Variants in TCERG1L observed in about 807,000 individuals in gnomAD.
The protein encoded by TCERG1L is transcription elongation regulator 1-like protein.
In TCERG1L, 37 loss-of-function variants were observed where a neutral mutation model predicts 56.3. That is an observed-to-expected ratio of 0.66 (90% CI 0.51 to 0.87). The LOEUF (loss-of-function observed/expected upper bound fraction) is 0.87, where lower values mean the gene tolerates loss of function less well. Among genes scored for constraint, TCERG1L ranks in the 40% least tolerant of loss-of-function variants. The probability of loss-of-function intolerance (pLI) is 0.00; values close to 1 mark genes in which losing one functional copy is unlikely to be tolerated. For missense variants in TCERG1L, 799 were observed against 774.2 expected, an observed-to-expected ratio of 1.03 and a Z score of -0.38; for synonymous variants, 324 against 326.3, an observed-to-expected ratio of 0.99 and a Z score of 0.08.
intron 4 of TCERG1L, among the ~76,000 whole-genome samples, chr10:131,208,085 CAT>C (rs1372938371): frequency 3.9e-5 from 6 of 152,136 alleles, no homozygotes; most frequent in African/African-American, 9.7e-5. Flanking sequence ...CACTATCCCA[CAT>C]GAGGACCCCA....
chr10:131,148,015 A>C (rs1489225399), intron 6 of TCERG1L, among the ~76,000 whole-genome samples: 2 of 152,212 alleles, frequency 1.3e-5, no homozygotes, highest in Non-Finnish European at 2.9e-5. Context: ...CCCTCCCAGA[A>C]ATCACCCTGA....
At chr10:131,250,582 C>G (rs1846098877) in intron 4 of TCERG1L, among the ~76,000 whole-genome samples, 1 of 152,150 alleles carries the variant, frequency 6.6e-6, no homozygotes, top group Non-Finnish European at 1.5e-5. Context: ...CTGGCTGTCA[C>G]TCATCGCTTG....
At position 131,311,396 on chromosome 10, in the gene TCERG1L, C is replaced by G; in HGVS notation, c.240G>C (p.Trp80Cys). The change falls in exon 1 of 12, where the codon TGG becomes TGC. Residue 80 changes from tryptophan to cysteine, a missense_variant. Physicochemically the swap from Trp to Cys is radical, Grantham distance 215. Transcript: ENST00000368642. The surrounding 1 kb of genome is among the most constrained non-coding windows in gnomAD (Gnocchi z 4.0). ...AAPLLPGLPGWPAPSEPVLPL... is the reference protein window; with the variant it reads ...AAPLLPGLPGCPAPSEPVLPL... ...GGAGCACCGGCTCGCTCGGGGCCGG[C>G]CAGCCGGGGAGACCGGGGAGCAGCG... The G allele has an allele frequency of 8.4e-7, 1 of 1,186,516 alleles. No individual in the cohort carries two copies. Among genetic ancestry groups the G allele is most frequent in the Non-Finnish European group, 1.0e-6 (1 of 960,336 alleles). The allele number at this position is 1,186,516 out of a possible 1,614,324, so 73.5% of individuals were successfully genotyped here.
At position 131,142,585 on chromosome 10, in the gene TCERG1L, T is replaced by G. The variant is rs561105107; in HGVS notation, c.1189+3921A>C. 1.3e-3 allele frequency among the ~76,000 whole-genome samples: 193 copies of G among 152,298 alleles called. 1 individual carries two copies. In the South Asian group the frequency reaches 0.018, roughly 14 times the overall value. ...CCCGCAGACTAGGGAAGGACAGTGT[T>G]GAGTGCACGGCTGCTGCAGCTGCTG... is the stretch of plus-strand genomic sequence containing the variant. On this transcript the variant is annotated intron_variant, in intron 7 of 11. Coordinates refer to ENST00000368642, the MANE Select transcript of TCERG1L (RefSeq NM_174937.4).
At chr10:131,294,703 C>G (rs986997829) in intron 3 of TCERG1L, among the ~76,000 whole-genome samples, 1 of 152,176 alleles carries the variant, frequency 6.6e-6, no homozygotes, top group African/African-American at 2.4e-5. Flanking sequence ...ATCACTCCAA[C>G]AAATTAACAG....
At chr10:131,257,052 A>G (rs573480291) in intron 4 of TCERG1L, among the ~76,000 whole-genome samples, 1 of 151,148 alleles carries the variant, frequency 6.6e-6, no homozygotes, top group Non-Finnish European at 1.5e-5. Flanking sequence ...AAAGAAAGAA[A>G]GAAAAGAAAG....
intron 4 of TCERG1L, among the ~76,000 whole-genome samples, chr10:131,253,274 G>C (rs575209558): frequency 6.6e-6 from 1 of 152,170 alleles, no homozygotes; most frequent in South Asian, 2.1e-4. Context: ...GCAGAAGAAC[G>C]ACATCCTGGG....
chr10:131,099,181 G>C (rs970104795), intron 10 of TCERG1L, among the ~76,000 whole-genome samples: 3 of 152,178 alleles, frequency 2.0e-5, no homozygotes, highest in African/African-American at 7.2e-5. Flanking sequence ...CTCCTCAATG[G>C]GAGGGACATG....
intron 6 of TCERG1L, among the ~76,000 whole-genome samples, chr10:131,155,330 G>A (rs775176855): frequency 3.3e-5 from 5 of 152,156 alleles, no homozygotes; most frequent in African/African-American, 4.8e-5. Context: ...ATAATGAGCC[G>A]CAGGGAAAGA....
At chr10:131,178,318 G>A (rs567357321) in intron 4 of TCERG1L, among the ~76,000 whole-genome samples, 35 of 152,310 alleles carry the variant, frequency 2.3e-4, no homozygotes, top group African/African-American at 6.5e-4. Flanking sequence ...GGCCCTGGAC[G>A]TACTTTTGAA....
intron 4 of TCERG1L, among the ~76,000 whole-genome samples, chr10:131,234,398 C>A (rs1449560685): frequency 6.6e-6 from 1 of 152,140 alleles, no homozygotes; most frequent in Non-Finnish European, 1.5e-5. Context: ...CTGTTAGGCA[C>A]ACCAAATTCT....
Position 131,159,042 on chromosome 10 carries a change from C to T in TCERG1L, c.1034+4080G>A, listed in dbSNP as rs780367461. On this transcript the variant is annotated intron_variant, in intron 6 of 11. Transcript: ENST00000368642. ...CCACTTCCACTGCAGCCCCGAACCCCGAGCACAAGACCTTTCCCTGCTTTA... is the reference window on the plus strand; with the variant it reads ...CCACTTCCACTGCAGCCCCGAACCCTGAGCACAAGACCTTTCCCTGCTTTA... 2.5e-4 allele frequency among the ~76,000 whole-genome samples: 38 copies of T among 152,350 alleles called. 1 individual carries two copies. The highest frequency in any genetic ancestry group is 4.0e-4 in the Non-Finnish European group (27 of 68,040).
rs141903666 is a variant in TCERG1L, at chr10:131,282,577, T to C, written c.671-22133A>G. 5.9e-3 allele frequency among the ~76,000 whole-genome samples: 897 copies of C among 152,276 alleles called. 10 individuals are homozygous for C. The highest frequency in any genetic ancestry group is 0.031 in the Middle Eastern group (9 of 294). On this transcript the variant is annotated intron_variant, in intron 3 of 11. Transcript: ENST00000368642. Reference sequence around the variant, plus strand: ...TTAATATACTAAAATGTTAACAAAATAAATGACTGTAAAAACCTGTGGAAG... The same window carrying C: ...TTAATATACTAAAATGTTAACAAAACAAATGACTGTAAAAACCTGTGGAAG...
At chr10:131,310,291 A>G (rs1846871609) in intron 1 of TCERG1L, among the ~76,000 whole-genome samples, 1 of 152,242 alleles carries the variant, frequency 6.6e-6, no homozygotes, top group Non-Finnish European at 1.5e-5. Context: ...AAAAACTACC[A>G]ACGTTTCTTG....
chr10:131,193,001 G>A (rs1038203524), intron 4 of TCERG1L, among the ~76,000 whole-genome samples: 7 of 152,018 alleles, frequency 4.6e-5, no homozygotes, highest in Admixed American at 3.9e-4. Context: ...TACTCCAGAA[G>A]CTATTGAAAT....
chr10:131,180,094 C>G (rs2397746), intron 4 of TCERG1L, among the ~76,000 whole-genome samples: 70,121 of 152,078 alleles, frequency 0.46, 19,309 homozygotes, highest in South Asian at 0.69. Flanking sequence ...CCAACCTGCT[C>G]GACAAGGGAC....
rs1589763538 is a variant in TCERG1L, at chr10:131,256,987, AGGAAG to A, written c.856+3267_856+3271del. 2.4e-3 allele frequency among the ~76,000 whole-genome samples: 213 copies of A among 88,890 alleles called. 3 individuals are homozygous for A. The highest frequency in any genetic ancestry group is 5.3e-3 in the East Asian group (19 of 3,600). 58.3% of individuals were successfully genotyped at this position (88,890 alleles called of 152,430 possible). On this transcript the variant is annotated intron_variant, in intron 4 of 11. Transcript: ENST00000368642. Reference sequence around the variant, plus strand: ...AAGGAAGGAAGGAAGGAAGGAAGGAAGGAAGGAAAGAAAGAAAGAAAGAAAGAAAG... The same window carrying A: ...AAGGAAGGAAGGAAGGAAGGAAGGAAGAAAGAAAGAAAGAAAGAAAGAAAG...
intron 4 of TCERG1L, among the ~76,000 whole-genome samples, chr10:131,220,869 G>A (rs977615510): frequency 6.6e-6 from 1 of 152,336 alleles, no homozygotes; most frequent in Non-Finnish European, 1.5e-5. Context: ...TGCCCAGTCC[G>A]CCATGCCCTC....
intron 3 of TCERG1L, among the ~76,000 whole-genome samples, chr10:131,291,572 G>A (rs866516927): frequency 2.4e-4 from 36 of 150,592 alleles, no homozygotes; most frequent in Admixed American, 2.6e-4. Context: ...GACTACAGGC[G>A]CCCGCCAACA....
Sources: allele counts gnomAD v4.1 joint callset (sites outside exome capture counted in the v4.1 genomes callset), GRCh38; gene constraint gnomAD v4.1.1; non-coding constraint Gnocchi (gnomAD v3.1); transcripts MANE v1.5; gene names NCBI Gene and HGNC (gene_info 2026-07-23, HGNC 2026-07-21).